Variants in MPPED2 observed in about 807,000 individuals in gnomAD.
MPPED2 encodes the protein metallophosphoesterase MPPED2.
MPPED2 carries 5 observed loss-of-function variants against 33.0 expected under a neutral mutation model. The ratio of observed to expected loss-of-function variants is 0.15; its 90% CI spans 0.08 to 0.32. MPPED2 has a LOEUF of 0.32. Among genes scored for constraint, MPPED2 ranks in the 10% least tolerant of loss-of-function variants. MPPED2 has a pLI of 1.00. For missense variants in MPPED2, 275 were observed against 372.1 expected (o/e 0.74, Z 2.15); for synonymous variants, 136 against 141.9 (o/e 0.96, Z 0.29).
At chr11:30,404,736 G>A (rs928123023) in intron 6 of MPPED2, among the ~76,000 whole-genome samples, 1 of 152,052 alleles carries the variant, frequency 6.6e-6, no homozygotes, top group Non-Finnish European at 1.5e-5. Context: ...TCTTCATCTA[G>A]TTATAAAGAC....
At chr11:30,576,725 T>G (rs1027317963) in intron 2 of MPPED2, among the ~76,000 whole-genome samples, 2 of 151,986 alleles carry the variant, frequency 1.3e-5, no homozygotes, top group Admixed American at 6.6e-5. Flanking sequence ...TGTGGAAAAA[T>G]GAAACCCTGT....
chr11:30,416,902 G>A (rs866542816), intron 5 of MPPED2, among the ~76,000 whole-genome samples: 46 of 152,252 alleles, frequency 3.0e-4, no homozygotes, highest in African/African-American at 7.7e-4. Flanking sequence ...CCATAATGTG[G>A]CTCACTAGTG....
At chr11:30,561,055 T>G (rs769162107) in intron 2 of MPPED2, among the ~76,000 whole-genome samples, 1 of 152,202 alleles carries the variant, frequency 6.6e-6, no homozygotes, top group Non-Finnish European at 1.5e-5. Context: ...GTCCAATGTT[T>G]TATTTGTTTT....
At chr11:30,457,392 A>T (rs1463450359) in intron 4 of MPPED2, among the ~76,000 whole-genome samples, 1 of 152,120 alleles carries the variant, frequency 6.6e-6, no homozygotes, top group African/African-American at 2.4e-5. Context: ...CAAAAAAAAA[A>T]AAAAAACAGT....
At chr11:30,456,266 G>A (rs1950274820) in intron 4 of MPPED2, among the ~76,000 whole-genome samples, 1 of 152,214 alleles carries the variant, frequency 6.6e-6, no homozygotes, top group Admixed American at 6.5e-5. Flanking sequence ...TGTCTGACAT[G>A]TGAACAAAGA....
intron 4 of MPPED2, chr11:30,428,884 T>C (rs758923648): frequency 6.6e-6 from 1 of 152,232 alleles, no homozygotes; most frequent in Non-Finnish European, 1.5e-5. Context: ...GATATTAATA[T>C]CACCAACCCT....
At chr11:30,511,038 C>G (rs1057303498) in intron 3 of MPPED2, among the ~76,000 whole-genome samples, 1 of 152,176 alleles carries the variant, frequency 6.6e-6, no homozygotes, top group Non-Finnish European at 1.5e-5. Flanking sequence ...TGTTTTGGCT[C>G]ATTTCAAGGG....
downstream of MPPED2, among the ~76,000 whole-genome samples, chr11:30,409,013 G>T (rs566071393): frequency 6.6e-6 from 1 of 152,318 alleles, no homozygotes; most frequent in African/African-American, 2.4e-5. Flanking sequence ...CCACAAATGA[G>T]TCTGCCTTCT....
chr11:30,466,624 G>C (rs541657053), intron 4 of MPPED2, among the ~76,000 whole-genome samples: 2 of 152,312 alleles, frequency 1.3e-5, no homozygotes, highest in South Asian at 4.1e-4. Context: ...GATCAGGGTA[G>C]CCATTGAGTT....
At chr11:30,472,371 A>G (rs1003312408) in intron 4 of MPPED2, among the ~76,000 whole-genome samples, 1 of 151,944 alleles carries the variant, frequency 6.6e-6, no homozygotes, top group African/African-American at 2.4e-5. Flanking sequence ...GAATAATAAT[A>G]ATAATAATAA....
intron 4 of MPPED2, among the ~76,000 whole-genome samples, chr11:30,491,209 G>A (rs374861630): frequency 9.2e-5 from 14 of 152,300 alleles, no homozygotes; most frequent in African/African-American, 3.4e-4. Flanking sequence ...AATAATAAAA[G>A]AGGTTAAAAA....
At chr11:30,566,710 T>A (rs549824554) in intron 2 of MPPED2, among the ~76,000 whole-genome samples, 1 of 152,326 alleles carries the variant, frequency 6.6e-6, no homozygotes, top group Non-Finnish European at 1.5e-5. Context: ...AGCATTGTGA[T>A]AGGTGTTGTG....
chr11:30,474,518 G>A (rs528448032), intron 4 of MPPED2, among the ~76,000 whole-genome samples: 1 of 152,188 alleles, frequency 6.6e-6, no homozygotes, highest in Admixed American at 6.5e-5. Flanking sequence ...GCTTGGGAAG[G>A]AGCACATGAC....
chr11:30,423,932 T>C (rs904875375), intron 4 of MPPED2, among the ~76,000 whole-genome samples: 4 of 152,188 alleles, frequency 2.6e-5, no homozygotes, highest in Non-Finnish European at 5.9e-5. Flanking sequence ...TAGGCAAGCA[T>C]TTCTAGATGG....
chr11:30,417,953 C>T lies in MPPED2; in HGVS notation c.537-320G>A, dbSNP rs189658790. 3.5e-3 allele frequency among the ~76,000 whole-genome samples: 534 copies of T among 152,258 alleles called. 26 individuals are homozygous for T. Among genetic ancestry groups the T allele is most frequent in the Admixed American group, 0.028 (427 of 15,282 alleles). On this transcript the variant is annotated intron_variant, in intron 4 of 6. Coordinates refer to ENST00000358117, the MANE Select transcript of MPPED2 (RefSeq NM_001584.3). ...CAGTGCTTCCTAAGATACCCAGCCC[C>T]GATCCAAAGCATTTCCACCCTTCCT...
chr11:30,526,607 T>C (rs191975400), intron 3 of MPPED2, among the ~76,000 whole-genome samples: 2 of 152,118 alleles, frequency 1.3e-5, no homozygotes, highest in Non-Finnish European at 2.9e-5. Context: ...GTTAATCTTA[T>C]CTGCCCTTCC....
At chr11:30,518,824 G>A (rs781435855) in intron 3 of MPPED2, among the ~76,000 whole-genome samples, 10 of 152,068 alleles carry the variant, frequency 6.6e-5, no homozygotes, top group Admixed American at 1.3e-4. Flanking sequence ...ACTCTTGTGT[G>A]GCCTTTTCAA....
chr11:30,395,741 C>T, intron 6 of MPPED2, among the ~76,000 whole-genome samples: 1 of 152,122 alleles, frequency 6.6e-6, no homozygotes, highest in East Asian at 1.9e-4. Context: ...GATTATAAGT[C>T]TTTAATTTAA....
At chr11:30,499,979 C>T (rs1366329901) in intron 3 of MPPED2, among the ~76,000 whole-genome samples, 1 of 152,210 alleles carries the variant, frequency 6.6e-6, no homozygotes, top group Non-Finnish European at 1.5e-5. Context: ...GACCTCCAGT[C>T]TGCCAAGAGA....
Sources: allele counts gnomAD v4.1 joint callset (sites outside exome capture counted in the v4.1 genomes callset), GRCh38; gene constraint gnomAD v4.1.1; transcripts MANE v1.5; gene names NCBI Gene and HGNC (gene_info 2026-07-23, HGNC 2026-07-21).